Variants in ARHGAP39 observed in about 807,000 individuals in gnomAD.
ARHGAP39 encodes the protein Rho GTPase activating protein 39.
A neutral mutation model predicts 106.9 loss-of-function variants in ARHGAP39; 44 were observed. The ratio of observed to expected loss-of-function variants is 0.41; its 90% CI spans 0.32 to 0.53. The LOEUF (loss-of-function observed/expected upper bound fraction) is 0.53, where lower values mean the gene tolerates loss of function less well. Ranked by LOEUF, ARHGAP39 falls within the 20% of genes least tolerant of loss-of-function variation. The pLI is 0.21. For synonymous variants in ARHGAP39, 768 were observed against 693.2 expected (o/e 1.11, Z -1.69); for missense variants, 1,496 against 1,577.3 (o/e 0.95, Z 0.87).
chr8:144,597,743 C>A (rs1168355271), intron 2 of ARHGAP39, among the ~76,000 whole-genome samples: 3 of 152,158 alleles, frequency 2.0e-5, no homozygotes, highest in African/African-American at 7.2e-5. Context: ...TAGGAAAGGG[C>A]TTCCTGAGTA....
intron 3 of ARHGAP39, among the ~76,000 whole-genome samples, chr8:144,578,987 G>A (rs1176713182): frequency 6.6e-6 from 1 of 151,892 alleles, no homozygotes; most frequent in Non-Finnish European, 1.5e-5. Context: ...TGGATCACGA[G>A]GTCAGGAGAT....
intron 1 of ARHGAP39, among the ~76,000 whole-genome samples, chr8:144,648,208 G>A (rs1821491875): frequency 6.6e-6 from 1 of 152,130 alleles, no homozygotes; most frequent in African/African-American, 2.4e-5. Flanking sequence ...GATTTCCCCA[G>A]CAGAAGCCCC....
At chr8:144,680,298 C>G (rs1822371404) in intron 1 of ARHGAP39, among the ~76,000 whole-genome samples, 1 of 152,194 alleles carries the variant, frequency 6.6e-6, no homozygotes, top group African/African-American at 2.4e-5. Context: ...GTAAATGGCC[C>G]AGATAACAAA....
intron 1 of ARHGAP39, among the ~76,000 whole-genome samples, chr8:144,649,208 C>G (rs1215683358): frequency 1.3e-5 from 2 of 152,042 alleles, no homozygotes; most frequent in Non-Finnish European, 2.9e-5. Context: ...CTTTGGGAGG[C>G]TGAGGTGGGC....
intron 1 of ARHGAP39, among the ~76,000 whole-genome samples, chr8:144,675,955 C>T (rs1404844710): frequency 6.6e-6 from 1 of 150,892 alleles, no homozygotes; most frequent in Non-Finnish European, 1.5e-5. Context: ...AGAGTTGTTC[C>T]TTCCTCCCGT....
In ARHGAP39 at chr8:144,685,844, C is replaced by G. The variant is rs1488055495; in HGVS notation, c.-240G>C. ...CTCCGCCGCCGCCGCCGGCCCAGTG[C>G]GCGGCGGCCGCGCGTCCTCCCGTCA... On this transcript the variant is annotated 5_prime_UTR_variant, in exon 1 of 12. Coordinates refer to ENST00000377307, the MANE Select transcript of ARHGAP39 (RefSeq NM_025251.3). Among the ~76,000 whole-genome samples the G allele has an allele frequency of 6.7e-6, 1 of 148,286 alleles. No homozygotes were observed. The highest frequency in any genetic ancestry group is 6.7e-5 in the Admixed American group (1 of 14,956).
chr8:144,540,543 G>A (rs1307046734), intron 6 of ARHGAP39, among the ~76,000 whole-genome samples: 1 of 152,200 alleles, frequency 6.6e-6, no homozygotes, highest in Non-Finnish European at 1.5e-5. Flanking sequence ...GCTTACATCT[G>A]TGATCCCAGC....
chr8:144,552,616 TC>T (rs1229910421), intron 4 of ARHGAP39, among the ~76,000 whole-genome samples: 1 of 152,154 alleles, frequency 6.6e-6, no homozygotes, highest in African/African-American at 2.4e-5. Flanking sequence ...CCCACTGCTA[TC>T]CCTGCTGTTC....
At chr8:144,530,910 G>T in intron 10 of ARHGAP39, 39 bp from the exon 11 acceptor site, 1 of 1,576,754 alleles carries the variant, frequency 6.3e-7, no homozygotes, top group Non-Finnish European at 8.6e-7. Flanking sequence ...CCTGCTCGGC[G>T]GGCACCCCTG....
At position 144,622,797 on chromosome 8, in the gene ARHGAP39, C is replaced by T. The variant is rs905461426; in HGVS notation, c.-81-17102G>A. ...CAGGAACCTGGAAAAAGGAAGGCCC[C>T]GCGCAGGAGGGCCCTGGCCGGCAGC... On this transcript the variant is annotated intron_variant, in intron 1 of 11. Transcript: ENST00000377307. Among the ~76,000 whole-genome samples the T allele has an allele frequency of 7.9e-5, 12 of 152,268 alleles. No individual in the cohort carries two copies. In the South Asian group the frequency reaches 1.4e-3, roughly 18 times the overall value.
intron 8 of ARHGAP39, among the ~76,000 whole-genome samples, 153 bp downstream of exon 8, chr8:144,533,976 C>T (rs1816845823): frequency 6.6e-6 from 1 of 152,080 alleles, no homozygotes. Flanking sequence ...ACGGGGTCAG[C>T]CTAGCGTACC....
At chr8:144,554,247 C>T (rs1817830905) in intron 4 of ARHGAP39, among the ~76,000 whole-genome samples, 2 of 152,176 alleles carry the variant, frequency 1.3e-5, no homozygotes, top group Non-Finnish European at 2.9e-5. Flanking sequence ...TGAAGGAGGC[C>T]GAGCCACCAG....
At chr8:144,614,907 C>T (rs568482698) in intron 1 of ARHGAP39, among the ~76,000 whole-genome samples, 4 of 152,294 alleles carry the variant, frequency 2.6e-5, no homozygotes, top group African/African-American at 9.6e-5. Flanking sequence ...TGTTCCCTTA[C>T]TGTTCCCTCT....
rs1025838838 is a variant in ARHGAP39 at position 144,670,954 on chromosome 8, G to A, written c.-82+14732C>T. ...GACCACCTAATCCAGCTCTGATGAC[G>A]CTGCCTGGTGCTGCTCCCTCCTCCC... On this transcript the variant is annotated intron_variant, in intron 1 of 11. Coordinates refer to ENST00000377307, the MANE Select transcript of ARHGAP39 (RefSeq NM_025251.3). The surrounding 1 kb of genome is among the most constrained non-coding windows in gnomAD (Gnocchi z 4.4). 1.3e-5 allele frequency among the ~76,000 whole-genome samples: 2 copies of A among 152,142 alleles called. No individual in the cohort carries two copies. Among genetic ancestry groups the A allele is most frequent in the East Asian group, 3.8e-4 (2 of 5,198 alleles).
intron 1 of ARHGAP39, among the ~76,000 whole-genome samples, chr8:144,621,177 C>T (rs1213796370): frequency 2.0e-5 from 3 of 152,414 alleles, no homozygotes; most frequent in African/African-American, 7.2e-5. Context: ...TGCCTTCAGC[C>T]TGGACTCTGC....
intron 5 of ARHGAP39, among the ~76,000 whole-genome samples, chr8:144,546,880 C>T (rs1311712922): frequency 1.3e-5 from 2 of 152,188 alleles, no homozygotes; most frequent in Non-Finnish European, 2.9e-5. Flanking sequence ...CCAGGTGCCC[C>T]CAGGATGAGG....
chr8:144,662,284 C>G (rs76395433), intron 1 of ARHGAP39, among the ~76,000 whole-genome samples: 1 of 150,306 alleles, frequency 6.7e-6, no homozygotes, highest in Admixed American at 6.6e-5. Context: ...GACCATTCCC[C>G]GACTCCCCGT....
At chr8:144,663,297 A>G (rs907025420) in intron 1 of ARHGAP39, among the ~76,000 whole-genome samples, 17 of 152,170 alleles carry the variant, frequency 1.1e-4, no homozygotes, top group African/African-American at 4.1e-4. Context: ...CTGTACAGGA[A>G]GCACAGCACC....
At chr8:144,570,861 CAAATA>C (rs1018581773) in intron 3 of ARHGAP39, among the ~76,000 whole-genome samples, 10 of 152,136 alleles carry the variant, frequency 6.6e-5, no homozygotes, top group African/African-American at 2.4e-4. Flanking sequence ...CACCTCTACA[CAAATA>C]AAATAGAAAA....
Sources: allele counts gnomAD v4.1 joint callset (sites outside exome capture counted in the v4.1 genomes callset), GRCh38; gene constraint gnomAD v4.1.1; non-coding constraint Gnocchi (gnomAD v3.1); transcripts MANE v1.5; gene names NCBI Gene and HGNC (gene_info 2026-07-23, HGNC 2026-07-21).